Variants in OPCML observed in about 807,000 individuals in gnomAD.
The protein encoded by OPCML is opioid binding protein/cell adhesion molecule like.
Under a neutral mutation model 37.8 loss-of-function variants are expected in OPCML, and 13 were observed. The observed-to-expected ratio is 0.34, with a 90% CI of 0.22 to 0.55. The LOEUF is 0.55. OPCML is among the 20% of genes least tolerant of loss of function. The probability of loss-of-function intolerance (pLI) is 0.91; values close to 1 mark genes in which losing one functional copy is unlikely to be tolerated. For synonymous variants in OPCML, 176 were observed against 168.8 expected, an observed-to-expected ratio of 1.04 and a Z score of -0.33; for missense variants, 341 against 435.6, an observed-to-expected ratio of 0.78 and a Z score of 1.93.
In OPCML at chr11:132,544,727, T is replaced by C. The variant is rs375719389; in HGVS notation, c.380-15541A>G. Among the ~76,000 whole-genome samples, 22 of 152,240 alleles carry C rather than the reference T, an allele frequency of 1.4e-4. 2 individuals are homozygous for C. The East Asian group carries it at 3.9e-3, about 27-fold the overall frequency. ...AGGCCACTTTTGCTGAAAAACCTCT[T>C]CGCTGGCCTTCCCTGGGCCTCCAGG... On this transcript the variant is annotated intron_variant, in intron 3 of 7. Transcript: ENST00000524381.
At chr11:133,475,492 G>A (rs1052241097) in intron 1 of OPCML, among the ~76,000 whole-genome samples, 3 of 152,042 alleles carry the variant, frequency 2.0e-5, no homozygotes, top group Non-Finnish European at 4.4e-5. Context: ...CAAACAAGAA[G>A]CACCAGACAG....
At chr11:132,555,887 A>T (rs1476154359) in intron 3 of OPCML, among the ~76,000 whole-genome samples, 1 of 152,130 alleles carries the variant, frequency 6.6e-6, no homozygotes, top group Non-Finnish European at 1.5e-5. Context: ...TTACAAAGAG[A>T]GTATAAAGAA....
chr11:133,295,251 G>T (rs978806880), intron 1 of OPCML, among the ~76,000 whole-genome samples: 1 of 151,924 alleles, frequency 6.6e-6, no homozygotes, highest in Non-Finnish European at 1.5e-5. Flanking sequence ...TTCATTTGTT[G>T]AGCAAATATT....
intron 2 of OPCML, among the ~76,000 whole-genome samples, chr11:132,937,595 G>GGGGGGT (rs1480686802): frequency 2.3e-5 from 2 of 88,734 alleles, no homozygotes; most frequent in African/African-American, 7.4e-5. Context: ...GCGTGTGTGG[G>GGGGGGT]GTGTGTGTGT....
intron 1 of OPCML, among the ~76,000 whole-genome samples, chr11:133,323,155 T>G (rs1282330368): frequency 6.6e-6 from 1 of 152,156 alleles, no homozygotes; most frequent in Admixed American, 6.5e-5. Context: ...GTTTCACTCC[T>G]ACCCACAGTG....
At chr11:133,086,161 C>G (rs866248552) in intron 1 of OPCML, among the ~76,000 whole-genome samples, 21 of 152,218 alleles carry the variant, frequency 1.4e-4, no homozygotes, top group African/African-American at 4.6e-4. Flanking sequence ...ATACCTTATT[C>G]CATCTGCCTT....
At chr11:133,190,366 G>T (rs1333018214) in intron 1 of OPCML, among the ~76,000 whole-genome samples, 2 of 152,076 alleles carry the variant, frequency 1.3e-5, no homozygotes, top group Non-Finnish European at 2.9e-5. Context: ...AAATGTTGTG[G>T]TAATCTCTTT....
intron 1 of OPCML, among the ~76,000 whole-genome samples, chr11:133,479,961 C>T (rs1016329150): frequency 6.6e-6 from 1 of 152,206 alleles, no homozygotes; most frequent in Non-Finnish European, 1.5e-5. Context: ...AAGGAGCCAG[C>T]CCGGGAGGCT....
chr11:132,846,580 A>G (rs1941551030), intron 2 of OPCML, among the ~76,000 whole-genome samples: 1 of 152,214 alleles, frequency 6.6e-6, no homozygotes, highest in Admixed American at 6.5e-5. Flanking sequence ...ACACTGAAAA[A>G]ATATACATAG....
chr11:133,331,306 C>T, intron 1 of OPCML, among the ~76,000 whole-genome samples: 1 of 152,030 alleles, frequency 6.6e-6, no homozygotes, highest in Non-Finnish European at 1.5e-5. Context: ...TGTCTTAGAT[C>T]CTTACCAGTA....
At chr11:132,850,955 A>G (rs549536515) in intron 2 of OPCML, among the ~76,000 whole-genome samples, 1 of 152,340 alleles carries the variant, frequency 6.6e-6, no homozygotes, top group South Asian at 2.1e-4. Flanking sequence ...GAGGTTATTC[A>G]CTTGGGGCCC....
At chr11:132,762,228 C>T (rs923971254) in intron 2 of OPCML, among the ~76,000 whole-genome samples, 2 of 152,214 alleles carry the variant, frequency 1.3e-5, no homozygotes, top group African/African-American at 4.8e-5. Context: ...CTGGAGCTCT[C>T]CTGTATGAGG....
intron 1 of OPCML, among the ~76,000 whole-genome samples, chr11:133,516,349 C>T (rs1948271960): frequency 6.6e-6 from 1 of 152,170 alleles, no homozygotes; most frequent in Admixed American, 6.5e-5. Flanking sequence ...CCGTCACAGC[C>T]AGGGGCTTCG....
chr11:133,527,531 G>A (rs1054315503), intron 1 of OPCML, among the ~76,000 whole-genome samples: 4 of 152,090 alleles, frequency 2.6e-5, no homozygotes, highest in African/African-American at 4.8e-5. Flanking sequence ...TACATATATG[G>A]TCAGTATGAT....
At chr11:132,834,332 C>T (rs1940886759) in intron 2 of OPCML, among the ~76,000 whole-genome samples, 1 of 152,168 alleles carries the variant, frequency 6.6e-6, no homozygotes, top group Admixed American at 6.5e-5. Flanking sequence ...GGAGAACTCC[C>T]TCCCCAGTCC....
At chr11:133,295,163 G>A (rs566747976) in intron 1 of OPCML, among the ~76,000 whole-genome samples, 1 of 151,970 alleles carries the variant, frequency 6.6e-6, no homozygotes, top group Non-Finnish European at 1.5e-5. Context: ...TTTCACTAGG[G>A]GGATATTTTC....
chr11:133,232,758 G>A (rs7933745), intron 1 of OPCML, among the ~76,000 whole-genome samples: 21,970 of 152,092 alleles, frequency 0.14, 1,801 homozygotes, highest in South Asian at 0.32. Context: ...AAATAGGAGA[G>A]AAAAAGTGGG....
chr11:133,317,732 G>A (rs1038694505), intron 1 of OPCML, among the ~76,000 whole-genome samples: 7 of 152,146 alleles, frequency 4.6e-5, no homozygotes, highest in Admixed American at 4.6e-4. Context: ...AGATAATTCA[G>A]CAACAAACAG....
At chr11:133,000,433 T>C (rs1215279007) in intron 1 of OPCML, among the ~76,000 whole-genome samples, 2 of 152,204 alleles carry the variant, frequency 1.3e-5, no homozygotes, top group Admixed American at 1.3e-4. Context: ...TCAGAACTTC[T>C]AAGTATAAAC....
Sources: allele counts gnomAD v4.1 joint callset (sites outside exome capture counted in the v4.1 genomes callset), GRCh38; gene constraint gnomAD v4.1.1; transcripts MANE v1.5; gene names NCBI Gene and HGNC (gene_info 2026-07-23, HGNC 2026-07-21).